NRXN1: variants seen among roughly 807,000 people sequenced by gnomAD.
The protein encoded by NRXN1 is neurexin-1.
Under a neutral mutation model 150.9 loss-of-function variants are expected in NRXN1, and 39 were observed. The ratio of observed to expected loss-of-function variants is 0.26; its 90% CI spans 0.20 to 0.34. The LOEUF (loss-of-function observed/expected upper bound fraction) is 0.34. Among genes scored for constraint, NRXN1 ranks in the 10% least tolerant of loss-of-function variants. The pLI, the probability that NRXN1 is intolerant of heterozygous loss-of-function variation, is 1.00. For missense variants in NRXN1, 1,815 were observed against 1,949.9 expected (o/e 0.93, Z 1.30); for synonymous variants, 924 against 757.0 (o/e 1.22, Z -3.62).
Position 50,072,602 on chromosome 2 carries a change from C to CAA in NRXN1, c.3719-17560_3719-17559dup, listed in dbSNP as rs771043763. 5.4e-4 allele frequency among the ~76,000 whole-genome samples: 53 copies of CAA among 98,680 alleles called. 2 individuals are homozygous for CAA. The highest frequency in any genetic ancestry group is 6.6e-4 in the African/African-American group (15 of 22,764). The allele number at this position is 98,680 out of a possible 152,430, so 64.7% of individuals were successfully genotyped here. A position where few individuals can be genotyped will look rare whatever the true frequency, so the allele number is the denominator to read the frequency against. ...TGTGAGGCTTGCTAAATAGTCATGG[C>CAA]AAAAAAAAAAATAAAACAGCAACTT... On this transcript the variant is annotated intron_variant, in intron 19 of 22. Transcript: ENST00000401669.
At chr2:50,697,018 T>C (rs1032563684) in intron 5 of NRXN1, among the ~76,000 whole-genome samples, 2 of 152,218 alleles carry the variant, frequency 1.3e-5, no homozygotes, top group African/African-American at 2.4e-5. Context: ...TCAAGCACCT[T>C]AACAAACAAA....
intron 18 of NRXN1, among the ~76,000 whole-genome samples, chr2:50,203,969 C>T (rs2062377368): frequency 1.3e-5 from 2 of 151,972 alleles, no homozygotes; most frequent in African/African-American, 4.8e-5. Context: ...AAATTTAACG[C>T]CAATACTGTG....
chr2:49,976,375 G>C (rs1284063476), intron 21 of NRXN1, among the ~76,000 whole-genome samples: 2 of 152,042 alleles, frequency 1.3e-5, no homozygotes, highest in African/African-American at 4.8e-5. Flanking sequence ...TCAGTTAATA[G>C]TGGCCAAATA....
intron 12 of NRXN1, among the ~76,000 whole-genome samples, chr2:50,516,705 A>G (rs1253440793): frequency 1.3e-5 from 2 of 152,142 alleles, no homozygotes; most frequent in African/African-American, 2.4e-5. Context: ...AATTTAGCCA[A>G]GGATATACCC....
intron 13 of NRXN1, among the ~76,000 whole-genome samples, chr2:50,501,400 A>AGT (rs368765670): frequency 0.021 from 3,063 of 148,240 alleles, 52 homozygotes; most frequent in East Asian, 0.06. Flanking sequence ...TGTGTGTGTG[A>AGT]GTGTGTGTGT....
intron 12 of NRXN1, among the ~76,000 whole-genome samples, chr2:50,523,664 G>A (rs1412272531): frequency 6.6e-6 from 1 of 152,058 alleles, no homozygotes; most frequent in Non-Finnish European, 1.5e-5. Context: ...TAATAAAATG[G>A]TAATACAAAG....
In NRXN1 at chr2:50,648,186, G is replaced by A. The variant is rs375488260; in HGVS notation, c.833-24571C>T. Among the ~76,000 whole-genome samples, 12 of 151,764 alleles carry A rather than the reference G, an allele frequency of 7.9e-5. 1 individual carries two copies. The highest frequency in any genetic ancestry group is 2.0e-4 in the East Asian group (1 of 5,104). On this transcript the variant is annotated intron_variant, in intron 5 of 22. Transcript: ENST00000401669. ...TATTGGGATCTACAGAGACTCAATC[G>A]CCAACAACGACATAAGGCAAAACCT...
intron 5 of NRXN1, among the ~76,000 whole-genome samples, chr2:50,778,815 T>G (rs1173741589): frequency 3.3e-5 from 5 of 152,144 alleles, no homozygotes; most frequent in Non-Finnish European, 4.4e-5. Context: ...TAACCTAAAT[T>G]TATAAAACAT....
At chr2:50,503,072 C>T (rs957897585) in intron 13 of NRXN1, among the ~76,000 whole-genome samples, 1 of 151,950 alleles carries the variant, frequency 6.6e-6, no homozygotes, top group Non-Finnish European at 1.5e-5. Context: ...CTTTGGGAGG[C>T]CAATATGGGT....
intron 12 of NRXN1, among the ~76,000 whole-genome samples, chr2:50,519,802 T>C (rs2092735310): frequency 6.6e-6 from 1 of 151,956 alleles, no homozygotes; most frequent in Non-Finnish European, 1.5e-5. Flanking sequence ...AAAACTGAGA[T>C]CACTGAAGAA....
chr2:50,030,098 G>T (rs1263819341), intron 21 of NRXN1, among the ~76,000 whole-genome samples: 2 of 152,196 alleles, frequency 1.3e-5, no homozygotes, highest in Non-Finnish European at 2.9e-5. Context: ...GAGAAAGAGG[G>T]TCTCTTTGGT....
chr2:50,321,773 C>T (rs1487806040), intron 17 of NRXN1, among the ~76,000 whole-genome samples: 1 of 151,850 alleles, frequency 6.6e-6, no homozygotes, highest in East Asian at 1.9e-4. Flanking sequence ...TGTATAATAT[C>T]CCATTCTACA....
At chr2:49,968,647 T>C (rs2152492520) in intron 21 of NRXN1, among the ~76,000 whole-genome samples, 1 of 152,196 alleles carries the variant, frequency 6.6e-6, no homozygotes, top group Admixed American at 6.5e-5. Context: ...ACTGGATAAC[T>C]AGTGCTGCTC....
intron 18 of NRXN1, among the ~76,000 whole-genome samples, chr2:50,099,376 T>A (rs1461343409): frequency 6.6e-6 from 1 of 150,754 alleles, no homozygotes; most frequent in Non-Finnish European, 1.5e-5. Context: ...TTTTTTTTAA[T>A]TGAGATATAA....
intron 5 of NRXN1, among the ~76,000 whole-genome samples, chr2:50,828,620 C>T (rs988030342): frequency 2.2e-4 from 34 of 151,396 alleles, no homozygotes; most frequent in Non-Finnish European, 4.9e-4. Flanking sequence ...CTCCCCACAT[C>T]TCAGAAGATG....
At chr2:50,376,046 T>TATATACAC (rs1553516368) in intron 17 of NRXN1, among the ~76,000 whole-genome samples, 7 of 148,632 alleles carry the variant, frequency 4.7e-5, no homozygotes, top group Non-Finnish European at 9.0e-5. Context: ...CATATATATA[T>TATATACAC]ACACACACAC....
intron 21 of NRXN1, among the ~76,000 whole-genome samples, chr2:50,040,173 G>A (rs1345449450): frequency 7.9e-5 from 12 of 152,014 alleles, no homozygotes; most frequent in Admixed American, 7.9e-4. Context: ...ATGAGATGAG[G>A]AAAAGAAGAG....
chr2:50,631,270 C>T (rs982998665), intron 5 of NRXN1: 1 of 343,056 alleles, frequency 2.9e-6, no homozygotes, highest in African/African-American at 2.3e-5. Flanking sequence ...AGACTTATCT[C>T]ACTTAGGTAA....
chr2:50,663,424 T>A (rs1559092656), intron 5 of NRXN1, among the ~76,000 whole-genome samples: 1 of 152,038 alleles, frequency 6.6e-6, no homozygotes, highest in Admixed American at 6.6e-5. Context: ...TTTCAGTTTA[T>A]TGACCTCCTC....
Sources: gnomAD v4.1 joint callset for allele counts (sites outside exome capture counted in the v4.1 genomes callset) on GRCh38, gnomAD v4.1.1 for gene constraint, MANE v1.5 for transcripts, NCBI Gene and HGNC (gene_info 2026-07-23, HGNC 2026-07-21) for gene names.